The following ZNF469 variants were observed in gnomAD, a reference collection of about 807,000 sequenced individuals.
ZNF469 encodes the protein zinc finger protein 469.
A neutral mutation model predicts 1.0 loss-of-function variants in ZNF469; 1 was observed. That is an observed-to-expected ratio of 1.00 (90% CI 0.35 to 4.73). The LOEUF (loss-of-function observed/expected upper bound fraction) is 4.73. Among genes scored for constraint, ZNF469 ranks in the 30% most tolerant of loss-of-function variants. The pLI, the probability that ZNF469 is intolerant of heterozygous loss-of-function variation, is 0.16. For missense variants in ZNF469, 6,100 were observed against 5,356.3 expected (o/e 1.14, Z -4.33); for synonymous variants, 2,703 against 2,363.4 (o/e 1.14, Z -4.17).
the ZNF469 span, among the ~76,000 whole-genome samples, chr16:88,332,206 G>C: frequency 6.6e-6 from 1 of 152,244 alleles, no homozygotes; most frequent in Admixed American, 6.5e-5. Context: ...TTTTGACAGA[G>C]GATGGAAAAT....
chr16:88,258,745 T>C, the ZNF469 span, among the ~76,000 whole-genome samples: 1 of 152,166 alleles, frequency 6.6e-6, no homozygotes, highest in Admixed American at 6.5e-5. Context: ...TTTGCAGCAA[T>C]GCAGAAAACG....
At chr16:88,169,298 G>A in the ZNF469 span, among the ~76,000 whole-genome samples, 6 of 152,292 alleles carry the variant, frequency 3.9e-5, no homozygotes, top group Middle Eastern at 3.4e-3. This position sits in a 1 kb window ranked among gnomAD's most constrained non-coding sequence, Gnocchi z 6.1. Flanking sequence ...CTGAGTTTCC[G>A]CGAATGTGTA....
upstream of ZNF469, among the ~76,000 whole-genome samples, chr16:88,381,096 ACCCG>A: frequency 7.0e-6 from 1 of 142,060 alleles, no homozygotes; most frequent in Non-Finnish European, 1.5e-5. Context: ...GCACTCACAC[ACCCG>A]GACATGCACT....
At chr16:88,140,117 A>G in the ZNF469 span, among the ~76,000 whole-genome samples, 84,627 of 152,118 alleles carry the variant, frequency 0.56, 28,064 homozygotes, top group Non-Finnish European at 0.76. Flanking sequence ...TATTTAATAC[A>G]AAAGAGGGAG....
chr16:88,174,622 CTCT>C, the ZNF469 span, among the ~76,000 whole-genome samples: 5 of 148,680 alleles, frequency 3.4e-5, no homozygotes, highest in Non-Finnish European at 7.4e-5. Flanking sequence ...GATTAGTCCC[CTCT>C]TCTTCCTCCT....
chr16:88,328,215 CT>C, the ZNF469 span, among the ~76,000 whole-genome samples: 1 of 152,250 alleles, frequency 6.6e-6, no homozygotes, highest in Non-Finnish European at 1.5e-5. Flanking sequence ...AGGCCGGACA[CT>C]TCAGTCTTGG....
chr16:88,189,373 G>A, the ZNF469 span, among the ~76,000 whole-genome samples: 1 of 152,130 alleles, frequency 6.6e-6, no homozygotes, highest in Non-Finnish European at 1.5e-5. The surrounding 1 kb of genome is among the most constrained non-coding windows in gnomAD (Gnocchi z 4.3). Context: ...TCTGATGGGG[G>A]GATGTGATGG....
At chr16:88,300,486 G>A in the ZNF469 span, among the ~76,000 whole-genome samples, 5 of 151,878 alleles carry the variant, frequency 3.3e-5, no homozygotes, top group African/African-American at 1.2e-4. Flanking sequence ...GCTCACAGGC[G>A]CCATGCTCGG....
At chr16:88,218,043 T>G in the ZNF469 span, among the ~76,000 whole-genome samples, 1 of 139,652 alleles carries the variant, frequency 7.2e-6, no homozygotes, top group African/African-American at 2.7e-5. Context: ...GTTGAACTAG[T>G]TTACAGTCCC....
the ZNF469 span, among the ~76,000 whole-genome samples, chr16:88,134,821 T>A: frequency 6.6e-6 from 1 of 152,200 alleles, no homozygotes; most frequent in Non-Finnish European, 1.5e-5. Context: ...ATTGCCAGTG[T>A]ATATTATTTT....
the ZNF469 span, among the ~76,000 whole-genome samples, chr16:88,274,640 G>C: frequency 6.6e-6 from 1 of 152,230 alleles, no homozygotes; most frequent in Non-Finnish European, 1.5e-5. Flanking sequence ...GTGTGAAAAG[G>C]CCGTGGGGGT....
the ZNF469 span, among the ~76,000 whole-genome samples, chr16:88,181,072 ACTTTT>A: frequency 7.3e-6 from 1 of 136,886 alleles, no homozygotes; most frequent in African/African-American, 2.9e-5. Flanking sequence ...CAGAATACAC[ACTTTT>A]TTTTTTTTTT....
the ZNF469 span, among the ~76,000 whole-genome samples, chr16:88,199,730 C>T: frequency 2.0e-5 from 3 of 152,218 alleles, no homozygotes; most frequent in Non-Finnish European, 4.4e-5. Flanking sequence ...CAGTGCTGGC[C>T]ATAGGGCTGG....
At chr16:88,167,718 C>G in the ZNF469 span, among the ~76,000 whole-genome samples, 4 of 152,122 alleles carry the variant, frequency 2.6e-5, no homozygotes, top group Admixed American at 2.0e-4. Flanking sequence ...GTCAAGGGGG[C>G]GCCCATCCCG....
the ZNF469 span, among the ~76,000 whole-genome samples, chr16:88,213,429 A>G: frequency 6.6e-5 from 10 of 152,292 alleles, no homozygotes; most frequent in East Asian, 1.7e-3. Context: ...GTTTTTTTAT[A>G]GAAGAAGACT....
At chr16:88,323,984 C>T in the ZNF469 span, among the ~76,000 whole-genome samples, 1 of 152,178 alleles carries the variant, frequency 6.6e-6, no homozygotes, top group African/African-American at 2.4e-5. Flanking sequence ...AGCAGAGTTA[C>T]TTATTTTGCT....
chr16:88,193,142 TGGTGGTGGG>T, the ZNF469 span, among the ~76,000 whole-genome samples: 2 of 28,008 alleles, frequency 7.1e-5, 1 homozygote, highest in Admixed American at 8.7e-4. Context: ...ATGGTGGTGA[TGGTGGTGGG>T]GATGGTGGTG....
At chr16:88,167,380 G>C in the ZNF469 span, among the ~76,000 whole-genome samples, 1 of 152,044 alleles carries the variant, frequency 6.6e-6, no homozygotes, top group African/African-American at 2.4e-5. Context: ...TGTTCTTCAG[G>C]CCTGCCATTG....
At chr16:88,220,607 C>T in the ZNF469 span, among the ~76,000 whole-genome samples, 1 of 152,142 alleles carries the variant, frequency 6.6e-6, no homozygotes, top group East Asian at 1.9e-4. Context: ...ATCCTCATGA[C>T]ACTGTGAACT....
Sources: allele counts gnomAD v4.1 joint callset (sites outside exome capture counted in the v4.1 genomes callset), GRCh38; gene constraint gnomAD v4.1.1; non-coding constraint Gnocchi (gnomAD v3.1); transcripts MANE v1.5; gene names NCBI Gene and HGNC (gene_info 2026-07-23, HGNC 2026-07-21).